Variants in RANBP2 observed in about 807,000 individuals in gnomAD.
The protein encoded by RANBP2 is E3 SUMO-protein ligase RanBP2.
Under a neutral mutation model 303.6 loss-of-function variants are expected in RANBP2, and 57 were observed. The observed-to-expected ratio is 0.19, with a 90% CI of 0.15 to 0.23. The LOEUF (loss-of-function observed/expected upper bound fraction) is 0.23. RANBP2 is among the 10% of genes least tolerant of loss of function. RANBP2 has a pLI of 1.00. For synonymous variants in RANBP2, 1,167 were observed against 1,301.5 expected (o/e 0.90, Z 2.23); for missense variants, 3,138 against 3,780.8 (o/e 0.83, Z 4.46).
the RANBP2 span, among the ~76,000 whole-genome samples, chr2:109,353,196 A>G: frequency 6.6e-6 from 1 of 152,138 alleles, no homozygotes; most frequent in Non-Finnish European, 1.5e-5. Context: ...GGCCTGATCC[A>G]CTTCTGGCCC....
the RANBP2 span, among the ~76,000 whole-genome samples, chr2:108,911,773 G>A: frequency 5.3e-5 from 8 of 152,116 alleles, no homozygotes; most frequent in African/African-American, 1.7e-4. Context: ...AAATAGACAG[G>A]AGACCAGCAT....
At chr2:109,547,244 T>C in the RANBP2 span, among the ~76,000 whole-genome samples, 1 of 152,224 alleles carries the variant, frequency 6.6e-6, no homozygotes, top group Non-Finnish European at 1.5e-5. Flanking sequence ...TGTCTTGTCA[T>C]TTCTGTAAAA....
chr2:109,044,242 C>A, the RANBP2 span, among the ~76,000 whole-genome samples: 1 of 151,914 alleles, frequency 6.6e-6, no homozygotes, highest in African/African-American at 2.4e-5. Flanking sequence ...AAAGTAATAC[C>A]GGGCGCGGTG....
chr2:108,997,994 T>C, the RANBP2 span, among the ~76,000 whole-genome samples: 13 of 152,174 alleles, frequency 8.5e-5, no homozygotes, highest in Non-Finnish European at 1.6e-4. Context: ...TCAGTGTGCA[T>C]CTCTGAATGA....
chr2:109,763,481 C>A, the RANBP2 span, among the ~76,000 whole-genome samples: 5 of 150,226 alleles, frequency 3.3e-5, no homozygotes, highest in East Asian at 2.0e-4. Flanking sequence ...GAGTACTTCA[C>A]ATATCTCTCA....
the RANBP2 span, among the ~76,000 whole-genome samples, chr2:109,548,842 A>G: frequency 6.6e-6 from 1 of 151,090 alleles, no homozygotes; most frequent in Non-Finnish European, 1.5e-5. Flanking sequence ...AAAATCAGAG[A>G]CTGAGAGAAG....
the RANBP2 span, among the ~76,000 whole-genome samples, chr2:108,793,728 C>G: frequency 2.0e-5 from 3 of 151,982 alleles, no homozygotes; most frequent in Admixed American, 1.3e-4. Context: ...TCCCGAGTAG[C>G]TGGGACTACA....
At chr2:108,937,731 CTG>C in the RANBP2 span, among the ~76,000 whole-genome samples, 4 of 151,582 alleles carry the variant, frequency 2.6e-5, no homozygotes, top group East Asian at 7.8e-4. Context: ...GTGTGTGTAT[CTG>C]TGTATGAGTG....
the RANBP2 span, among the ~76,000 whole-genome samples, chr2:109,456,770 A>G: frequency 5.3e-5 from 8 of 152,330 alleles, no homozygotes; most frequent in South Asian, 4.1e-4. Flanking sequence ...GCCCAAGGCC[A>G]CACAACGAGT....
At chr2:109,206,920 G>C in the RANBP2 span, among the ~76,000 whole-genome samples, 1 of 152,230 alleles carries the variant, frequency 6.6e-6, no homozygotes, top group African/African-American at 2.4e-5. Context: ...TTGTGTTTGG[G>C]ATAGCATGTC....
the RANBP2 span, chr2:109,618,467 G>T: frequency 7.8e-5 from 13 of 166,956 alleles, no homozygotes; most frequent in Non-Finnish European, 4.4e-5. Flanking sequence ...CCCACTGAAG[G>T]CTTTAACTTT....
the RANBP2 span, among the ~76,000 whole-genome samples, chr2:109,086,653 A>AG: frequency 6.6e-6 from 1 of 152,164 alleles, no homozygotes; most frequent in Non-Finnish European, 1.5e-5. Flanking sequence ...CTGAGATTGC[A>AG]TTCCATAAGG....
At chr2:109,530,204 G>A in the RANBP2 span, among the ~76,000 whole-genome samples, 19 of 152,206 alleles carry the variant, frequency 1.2e-4, no homozygotes, top group Non-Finnish European at 2.6e-4. Context: ...TGGCAATGTG[G>A]TGGGAACACA....
At chr2:109,095,838 T>C in the RANBP2 span, among the ~76,000 whole-genome samples, 1 of 152,168 alleles carries the variant, frequency 6.6e-6, no homozygotes, top group Non-Finnish European at 1.5e-5. Context: ...AATGCAAAAA[T>C]AAAATTTGGT....
At chr2:108,835,832 C>T in the RANBP2 span, among the ~76,000 whole-genome samples, 1 of 152,176 alleles carries the variant, frequency 6.6e-6, no homozygotes, top group African/African-American at 2.4e-5. Flanking sequence ...CTGTAAACAA[C>T]AGAAATTTAT....
At chr2:109,683,478 T>C in the RANBP2 span, among the ~76,000 whole-genome samples, 3 of 152,168 alleles carry the variant, frequency 2.0e-5, no homozygotes, top group Non-Finnish European at 4.4e-5. Flanking sequence ...CCAGCTGCAA[T>C]GGCCATGGGC....
the RANBP2 span, among the ~76,000 whole-genome samples, chr2:109,471,225 A>G: frequency 1.3e-5 from 2 of 150,510 alleles, no homozygotes; most frequent in African/African-American, 5.0e-5. Context: ...AAAAAAAAAA[A>G]AAAAAAGAAA....
chr2:109,001,243 C>T, the RANBP2 span, among the ~76,000 whole-genome samples: 1 of 151,900 alleles, frequency 6.6e-6, no homozygotes, highest in Non-Finnish European at 1.5e-5. Context: ...CAGTCTTTGG[C>T]ACCATGGGAC....
the RANBP2 span, among the ~76,000 whole-genome samples, chr2:109,172,818 C>T: frequency 2.5e-4 from 38 of 152,352 alleles, no homozygotes; most frequent in African/African-American, 8.7e-4. Flanking sequence ...AGTGCCAGCA[C>T]GAAGCCTCGA....
Sources: allele counts gnomAD v4.1 joint callset (sites outside exome capture counted in the v4.1 genomes callset), GRCh38; gene constraint gnomAD v4.1.1; transcripts MANE v1.5; gene names NCBI Gene and HGNC (gene_info 2026-07-23, HGNC 2026-07-21).